Variants in CYSLTR2 observed in about 807,000 individuals in gnomAD.
CYSLTR2 encodes cysteinyl leukotriene receptor 2, also known as G-protein coupled receptor GPCR21.
For missense variants in CYSLTR2, 398 were observed against 411.9 expected (o/e 0.97, Z 0.29); for synonymous variants, 179 against 160.8 (o/e 1.11, Z -0.86).
intron 1 of CYSLTR2, among the ~76,000 whole-genome samples, chr13:48,663,810 G>A (rs1161749109): frequency 2.0e-5 from 3 of 151,994 alleles, no homozygotes; most frequent in African/African-American, 4.8e-5. Context: ...GAATATGAAT[G>A]CCATTTATTT....
At chr13:48,680,308 G>T (rs923313424) in intron 1 of CYSLTR2, among the ~76,000 whole-genome samples, 1 of 152,142 alleles carries the variant, frequency 6.6e-6, no homozygotes, top group African/African-American at 2.4e-5. Flanking sequence ...TAATGATCCC[G>T]TGAGAATCTA....
chr13:48,697,480 A>G, intron 4 of CYSLTR2, among the ~76,000 whole-genome samples: 1 of 152,202 alleles, frequency 6.6e-6, no homozygotes, highest in Non-Finnish European at 1.5e-5. Context: ...AACAAACAGA[A>G]AGGACATCCA....
intron 1 of CYSLTR2, among the ~76,000 whole-genome samples, chr13:48,669,139 T>A (rs1189497264): frequency 6.6e-6 from 1 of 152,162 alleles, no homozygotes; most frequent in Non-Finnish European, 1.5e-5. Context: ...ATGGGATTAC[T>A]GGGTCAAATT....
chr13:48,661,977 T>C (rs2138814046), intron 1 of CYSLTR2, among the ~76,000 whole-genome samples: 1 of 152,326 alleles, frequency 6.6e-6, no homozygotes. Flanking sequence ...TAATTTTGTA[T>C]CCTTTACCAA....
chr13:48,700,695 G>T (rs972175503), intron 4 of CYSLTR2, among the ~76,000 whole-genome samples: 1 of 151,920 alleles, frequency 6.6e-6, no homozygotes. Flanking sequence ...AGAAATAAAG[G>T]GTATTAAATT....
intron 1 of CYSLTR2, among the ~76,000 whole-genome samples, chr13:48,666,068 A>G (rs1241312574): frequency 6.6e-6 from 1 of 152,058 alleles, no homozygotes; most frequent in Non-Finnish European, 1.5e-5. Context: ...TCCTTTGAGC[A>G]TTTCTTTTAA....
intron 1 of CYSLTR2, among the ~76,000 whole-genome samples, chr13:48,675,962 C>A (rs1033012551): frequency 6.6e-6 from 1 of 152,184 alleles, no homozygotes; most frequent in African/African-American, 2.4e-5. Flanking sequence ...TTCTGCTCAC[C>A]CCCCATGGGC....
intron 1 of CYSLTR2, among the ~76,000 whole-genome samples, chr13:48,656,021 C>A (rs1369724118): frequency 6.6e-6 from 1 of 152,160 alleles, no homozygotes; most frequent in Non-Finnish European, 1.5e-5. Context: ...ATACAAACAG[C>A]ATTATAAGTG....
At position 48,687,895 on chromosome 13, in the gene CYSLTR2, A is replaced by T. The variant is rs184290435; in HGVS notation, c.-265-3317A>T. 4.4e-3 allele frequency among the ~76,000 whole-genome samples: 670 copies of T among 152,356 alleles called. 3 individuals carry two copies. Among genetic ancestry groups the T allele is most frequent in the Middle Eastern group, 0.014 (4 of 294 alleles). ...GAAACTGTATTAATATTGGCAATTT[A>T]AAAATTGTTAATTACAACAGGAATT... On this transcript the variant is annotated intron_variant, in intron 1 of 4. Coordinates refer to ENST00000682523, the MANE Select transcript of CYSLTR2 (RefSeq NM_001308476.3).
chr13:48,681,796 C>T (rs1474760175), intron 1 of CYSLTR2, among the ~76,000 whole-genome samples: 1 of 152,204 alleles, frequency 6.6e-6, no homozygotes, highest in Non-Finnish European at 1.5e-5. Flanking sequence ...ATTCACAGCC[C>T]TGTTGATCTT....
At chr13:48,654,286 T>TCA (rs1566076282) in intron 1 of CYSLTR2, among the ~76,000 whole-genome samples, 44 of 122,368 alleles carry the variant, frequency 3.6e-4, no homozygotes, top group Admixed American at 9.0e-4. Flanking sequence ...TGTGTGTGTG[T>TCA]GTGTGTGTGT....
At chr13:48,693,751 T>C (rs188720179) in intron 3 of CYSLTR2, among the ~76,000 whole-genome samples, 118 of 152,336 alleles carry the variant, frequency 7.7e-4, no homozygotes, top group African/African-American at 2.7e-3. Context: ...TTTTATCAAT[T>C]AACTAGCACT....
intron 1 of CYSLTR2, among the ~76,000 whole-genome samples, chr13:48,656,611 G>A (rs1953004434): frequency 6.6e-6 from 1 of 152,150 alleles, no homozygotes; most frequent in East Asian, 1.9e-4. Context: ...CCATTTTGGA[G>A]GAAAGATGAT....
At chr13:48,692,267 T>C (rs544859421) in intron 2 of CYSLTR2, among the ~76,000 whole-genome samples, 2 of 151,984 alleles carry the variant, frequency 1.3e-5, no homozygotes, top group Non-Finnish European at 2.9e-5. Context: ...TTAAAAATGA[T>C]GTAAAAGTGT....
intron 1 of CYSLTR2, among the ~76,000 whole-genome samples, chr13:48,687,259 T>G (rs1467652544): frequency 1.3e-5 from 2 of 152,092 alleles, no homozygotes; most frequent in African/African-American, 4.8e-5. Context: ...GGTCTCTATC[T>G]TGCCGACGGC....
In CYSLTR2 at chr13:48,710,323, T is replaced by A. The variant is rs1005061758; in HGVS notation, c.*2465T>A. On this transcript the variant is annotated 3_prime_UTR_variant, in exon 5 of 5. Transcript: ENST00000682523. Reference sequence around the variant, plus strand: ...ATGTTCTGGGCAGGGCAAAGTGGGATGGTGTGAGATTTCTCCAGTGGATCC... The same window carrying A: ...ATGTTCTGGGCAGGGCAAAGTGGGAAGGTGTGAGATTTCTCCAGTGGATCC... 1 of 152,206 alleles carries A rather than the reference T, an allele frequency of 6.6e-6. No homozygotes were observed. Among genetic ancestry groups the A allele is most frequent in the African/African-American group, 2.4e-5 (1 of 41,442 alleles). The allele number at this position is 152,206 out of a possible 1,614,324, so 9.4% of individuals were successfully genotyped here.
At chr13:48,691,189 TG>T (rs1566098124) in intron 1 of CYSLTR2, 22 bp from the exon 2 acceptor site, 1 of 152,050 alleles carries the variant, frequency 6.6e-6, no homozygotes, top group Non-Finnish European at 1.5e-5. Context: ...TTTTACTTTT[TG>T]TTCGTTTGTT....
At chr13:48,672,616 CTTTTT>C (rs71076039) in intron 1 of CYSLTR2, among the ~76,000 whole-genome samples, 4 of 120,132 alleles carry the variant, frequency 3.3e-5, no homozygotes, top group South Asian at 2.6e-4. Context: ...CTTTTCTTTT[CTTTTT>C]TTTTTTTTTT....
At chr13:48,694,247 C>G (rs1053813316) in intron 3 of CYSLTR2, among the ~76,000 whole-genome samples, 1 of 152,170 alleles carries the variant, frequency 6.6e-6, no homozygotes, top group African/African-American at 2.4e-5. Context: ...GAAATGGTGA[C>G]CTGACGCAAA....
Sources: allele counts gnomAD v4.1 joint callset (sites outside exome capture counted in the v4.1 genomes callset), GRCh38; gene constraint gnomAD v4.1.1; transcripts MANE v1.5; gene names NCBI Gene and HGNC (gene_info 2026-07-23, HGNC 2026-07-21).